Variants in SRRM4 observed in about 807,000 individuals in gnomAD.
SRRM4 encodes the protein serine/arginine repetitive matrix 4.
SRRM4 carries 33 observed loss-of-function variants against 68.9 expected under a neutral mutation model. The ratio of observed to expected loss-of-function variants is 0.48; its 90% confidence interval spans 0.36 to 0.64. SRRM4 has a LOEUF of 0.64. SRRM4 is among the 30% of genes least tolerant of loss of function. The pLI is 0.00. For missense variants in SRRM4, 817 were observed against 827.1 expected (o/e 0.99, Z 0.15); for synonymous variants, 318 against 318.8 (o/e 1.00, Z 0.03).
chr12:119,076,589 A>T (rs1444518750), intron 1 of SRRM4, among the ~76,000 whole-genome samples: 1 of 152,240 alleles, frequency 6.6e-6, no homozygotes, highest in Non-Finnish European at 1.5e-5. Context: ...GTAAAGTAAG[A>T]AATGTAATAA....
chr12:119,089,474 T>G (rs948134007), intron 1 of SRRM4, among the ~76,000 whole-genome samples: 6 of 152,274 alleles, frequency 3.9e-5, no homozygotes, highest in African/African-American at 1.4e-4. Context: ...TGGGTTGGCA[T>G]TGAGAAATGG....
rs569092487 is a variant in SRRM4 at position 119,049,910 on chromosome 12, C to G, written c.132-52326C>G. ...TACCTTAATTACCGTTTAAAAGGTC[C>G]CATTTTCAAACGCAATCACATTTTA... On this transcript the variant is annotated intron_variant, in intron 1 of 12. Coordinates refer to ENST00000267260, the MANE Select transcript of SRRM4 (RefSeq NM_194286.4). 3.9e-5 allele frequency among the ~76,000 whole-genome samples: 6 copies of G among 152,214 alleles called. No individual in the cohort carries two copies. The South Asian group carries it at 1.0e-3, about 26-fold the overall frequency.
At chr12:119,060,676 G>A (rs747830552) in intron 1 of SRRM4, among the ~76,000 whole-genome samples, 51 of 151,836 alleles carry the variant, frequency 3.4e-4, no homozygotes, top group Non-Finnish European at 1.2e-4. Context: ...GACTTCAACC[G>A]TGTAACACTC....
At position 119,156,590 on chromosome 12, in the gene SRRM4, G is replaced by C. The variant is rs758078881; in HGVS notation, c.1628G>C (p.Arg543Pro). Residue 543 changes from arginine (R) to proline (P), a missense_variant, in exon 13 of 13, where the codon CGC becomes CCC. Physicochemically the swap from Arg to Pro is moderately radical, Grantham distance 103 (BLOSUM62 -2). Transcript: ENST00000267260. ...TCCTGGTACAGCAGCAGCAGTAGCC[G>C]CTCGGCCAGCCGCAGCTACTCCCGG... ...TSSWYSSSSS[R>P]SASRSYSRSR... 36 of 1,609,870 alleles carry C rather than the reference G, an allele frequency of 2.2e-5. No individual in the cohort carries two copies. The highest frequency in any genetic ancestry group is 3.0e-5 in the Non-Finnish European group (35 of 1,179,568).
chr12:119,025,855 G>A (rs1488276743), intron 1 of SRRM4, among the ~76,000 whole-genome samples: 1 of 152,092 alleles, frequency 6.6e-6, no homozygotes, highest in East Asian at 1.9e-4. Flanking sequence ...AAAAAGGGGA[G>A]AAAGAAAGAT....
At position 119,037,041 on chromosome 12, in the gene SRRM4, C is replaced by G. The variant is rs555566170; in HGVS notation, c.131+55028C>G. The G allele has an allele frequency of 6.8e-4, 104 of 152,230 alleles. 1 individual carries two copies. The highest frequency in any genetic ancestry group is 2.3e-3 in the African/African-American group (96 of 41,536). 9.4% of individuals were successfully genotyped at this position (152,230 alleles called of 1,614,324 possible). A position where few individuals can be genotyped will look rare whatever the true frequency, so the allele number is the denominator to read the frequency against. ...TCTTAGAAATGGATTGTGGTGGAAACGAGGCGATATCAAACACAAGACCAA... is the reference window on the plus strand; with the variant it reads ...TCTTAGAAATGGATTGTGGTGGAAAGGAGGCGATATCAAACACAAGACCAA... On this transcript the variant is annotated intron_variant, in intron 1 of 12. Transcript: ENST00000267260.
At chr12:119,021,414 T>C (rs1281917598) in intron 1 of SRRM4, among the ~76,000 whole-genome samples, 1 of 152,154 alleles carries the variant, frequency 6.6e-6, no homozygotes, top group African/African-American at 2.4e-5. Context: ...GGCTGAGCTT[T>C]CATCAGGGTA....
At chr12:119,002,716 T>C (rs1953392560) in intron 1 of SRRM4, among the ~76,000 whole-genome samples, 1 of 152,174 alleles carries the variant, frequency 6.6e-6, no homozygotes, top group African/African-American at 2.4e-5. Flanking sequence ...CAGTTCTCGG[T>C]TACCCTAGGT....
chr12:119,134,302 C>T (rs978944137), intron 8 of SRRM4, among the ~76,000 whole-genome samples: 7 of 151,228 alleles, frequency 4.6e-5, no homozygotes, highest in African/African-American at 1.7e-4. Context: ...ATAGAAGATC[C>T]CAAGACAGTT....
chr12:119,042,589 T>C (rs896480493), intron 1 of SRRM4, among the ~76,000 whole-genome samples: 2 of 144,946 alleles, frequency 1.4e-5, no homozygotes, highest in Non-Finnish European at 3.0e-5. Flanking sequence ...CAATGGAAGA[T>C]GAAAGAGAAG....
chr12:119,070,929 C>CT (rs1170082880), intron 1 of SRRM4, among the ~76,000 whole-genome samples: 1 of 152,176 alleles, frequency 6.6e-6, no homozygotes, highest in Admixed American at 6.5e-5. Context: ...TCCACTGCCT[C>CT]TGAGGCTCAG....
At chr12:119,114,392 CT>C (rs760554426) in intron 3 of SRRM4, 28 bp downstream of exon 3, 1 of 1,569,056 alleles carries the variant, frequency 6.4e-7, no homozygotes, top group Non-Finnish European at 8.7e-7. Flanking sequence ...GAGATAAAAC[CT>C]GTAAGATGCA....
chr12:119,026,722 T>G lies in SRRM4; in HGVS notation c.131+44709T>G, dbSNP rs188271467. 3.7e-3 allele frequency among the ~76,000 whole-genome samples: 559 copies of G among 151,456 alleles called. 6 individuals are homozygous for G. Among genetic ancestry groups the G allele is most frequent in the African/African-American group, 0.013 (523 of 41,226 alleles). On this transcript the variant is annotated intron_variant, in intron 1 of 12. Coordinates refer to ENST00000267260, the MANE Select transcript of SRRM4 (RefSeq NM_194286.4). ...CACCACCTCACCCGGCTAATTTTTG[T>G]TTTTTTTGTAGAGACAGGGTTTCAA... is the stretch of plus-strand genomic sequence containing the variant.
rs546846177 is a variant in SRRM4 at position 119,054,686 on chromosome 12, T to G, written c.132-47550T>G. Among the ~76,000 whole-genome samples the G allele has an allele frequency of 1.1e-3, 164 of 152,306 alleles. 1 individual carries two copies. The highest frequency in any genetic ancestry group is 3.6e-3 in the African/African-American group (151 of 41,566). ...GTATTGGCTCTCATACATGAAAAGT[T>G]GAATGGCTTCAGTTCCAGATAGATC... On this transcript the variant is annotated intron_variant, in intron 1 of 12. Coordinates refer to ENST00000267260, the MANE Select transcript of SRRM4 (RefSeq NM_194286.4).
At chr12:118,997,809 T>C (rs1382306410) in intron 1 of SRRM4, among the ~76,000 whole-genome samples, 2 of 152,242 alleles carry the variant, frequency 1.3e-5, no homozygotes, top group Middle Eastern at 3.4e-3. Flanking sequence ...GCTTTTGAGG[T>C]GGATACTGTC....
intron 1 of SRRM4, among the ~76,000 whole-genome samples, chr12:119,062,309 A>G (rs1953819382): frequency 6.6e-6 from 1 of 152,236 alleles, no homozygotes; most frequent in Non-Finnish European, 1.5e-5. Context: ...GTGAATGTGA[A>G]GAACTAGGAC....
At position 119,132,519 on chromosome 12, in the gene SRRM4, C is replaced by T. The variant is rs150283000; in HGVS notation, c.771+1685C>T. Among the ~76,000 whole-genome samples, 11 of 152,312 alleles carry T rather than the reference C, an allele frequency of 7.2e-5. 2 individuals are homozygous for T. In the East Asian group the frequency reaches 2.1e-3, roughly 29 times the overall value. On this transcript the variant is annotated intron_variant, in intron 8 of 12. Transcript: ENST00000267260. ...TGCCATTGGAAGCAACTGGCTTATA[C>T]ATTCTTACATGTCTGGGATGGTTTT...
chr12:119,043,807 C>CACACACACACA (rs1491405363), intron 1 of SRRM4, among the ~76,000 whole-genome samples: 3 of 151,430 alleles, frequency 2.0e-5, no homozygotes, highest in Non-Finnish European at 2.9e-5. Flanking sequence ...CACACACACA[C>CACACACACACA]AAGTCTTGGG....
chr12:119,087,366 G>C (rs1486733745), intron 1 of SRRM4, among the ~76,000 whole-genome samples: 1 of 152,242 alleles, frequency 6.6e-6, no homozygotes, highest in African/African-American at 2.4e-5. Context: ...AAGAAGCCAG[G>C]AGAAGGAACA....
Sources: gnomAD v4.1 joint callset for allele counts (sites outside exome capture counted in the v4.1 genomes callset) on GRCh38, gnomAD v4.1.1 for gene constraint, MANE v1.5 for transcripts, NCBI Gene and HGNC (gene_info 2026-07-23, HGNC 2026-07-21) for gene names.